SLC17A9: variants seen among roughly 807,000 people sequenced by gnomAD.
The protein encoded by SLC17A9 is voltage-gated purine nucleotide uniporter SLC17A9.
Under a neutral mutation model 55.0 loss-of-function variants are expected in SLC17A9, and 49 were observed. The ratio of observed to expected loss-of-function variants is 0.89; its 90% CI spans 0.71 to 1.13. SLC17A9 has a LOEUF of 1.13. SLC17A9 is among the 50% of genes most tolerant of loss of function. The pLI is 0.00. For synonymous variants in SLC17A9, 256 were observed against 247.4 expected (o/e 1.03, Z -0.32); for missense variants, 526 against 569.3 (o/e 0.92, Z 0.77).
rs966986567 is a variant in SLC17A9, at chr20:62,967,713, G to T, written c.*213G>T. On this transcript the variant is annotated 3_prime_UTR_variant, in exon 13 of 13. Coordinates refer to ENST00000370351, the MANE Select transcript of SLC17A9 (RefSeq NM_022082.4). ...CCAGACCAGGCTCGCTGCTCTCTGG[G>T]CCTCAGTTTCCCCACCTGCCAGCGG... 1.7e-5 allele frequency: 9 copies of T among 538,688 alleles called. No individual in the cohort carries two copies. Among genetic ancestry groups the T allele is most frequent in the African/African-American group, 3.8e-5 (2 of 52,050 alleles). The allele number at this position is 538,688 out of a possible 1,614,324, so 33.4% of individuals were successfully genotyped here.
In SLC17A9 at chr20:62,963,653, C is replaced by T. The variant is rs1397569628; in HGVS notation, c.795C>T (p.Phe265=). 2 of 1,601,832 alleles carry T rather than the reference C, an allele frequency of 1.2e-6. No individual in the cohort carries two copies. Among genetic ancestry groups the T allele is most frequent in the African/African-American group, 1.3e-5 (1 of 74,810 alleles). ...FFILLSWLPT[F]FEETFPDAKG... is the part of the protein sequence containing the mutation. ...TCCTCCTCTCCTGGCTGCCCACCTT[C>T]TTCGAGGAGACCTTCCCCGACGCCA... The change falls in exon 7 of 13, where the codon TTC becomes TTT. Residue 265 remains phenylalanine (F), a synonymous_variant. Transcript: ENST00000370351.
At chr20:62,953,035 T>G (rs1209706631) in intron 1 of SLC17A9, 146 bp downstream of exon 1, 1 of 1,190,900 alleles carries the variant, frequency 8.4e-7, no homozygotes. Context: ...CCTGTGTTCC[T>G]TGTGGGAGGT....
At position 62,960,790 on chromosome 20, in the gene SLC17A9, C is replaced by T. The variant is rs147701965; in HGVS notation, c.497+187C>T. Among the ~76,000 whole-genome samples the T allele has an allele frequency of 7.0e-3, 1,070 of 152,378 alleles. 13 individuals carry two copies. The highest frequency in any genetic ancestry group is 0.025 in the African/African-American group (1,027 of 41,592). ...CTCTGCAGGTACCAGCCCCGGGCAC[C>T]GCGCTTGCTTTGTGCATATTTCTGC... On this transcript the variant is annotated intron_variant, in intron 4 of 12. Coordinates refer to ENST00000370351, the MANE Select transcript of SLC17A9 (RefSeq NM_022082.4).
At chr20:62,953,154 A>G (rs1421306593) in intron 1 of SLC17A9, 18 of 1,529,696 alleles carry the variant, frequency 1.2e-5, no homozygotes, top group East Asian at 2.5e-5. Context: ...AGGCAGGGCT[A>G]TGTTCCCCAG....
intron 3 of SLC17A9, among the ~76,000 whole-genome samples, chr20:62,959,371 G>GT (rs2065569437): frequency 6.6e-6 from 1 of 152,230 alleles, no homozygotes; most frequent in African/African-American, 2.4e-5. Context: ...GGCACATTCT[G>GT]TTTTCTAGAA....
chr20:62,964,553 T>C (rs1168604396), intron 8 of SLC17A9, among the ~76,000 whole-genome samples: 1 of 152,122 alleles, frequency 6.6e-6, no homozygotes, highest in African/African-American at 2.4e-5. Flanking sequence ...CCCCTGACCC[T>C]CCAGGAAGGC....
chr20:62,957,063 A>T, intron 2 of SLC17A9, 101 bp downstream of exon 2: 1 of 1,401,796 alleles, frequency 7.1e-7, no homozygotes. Flanking sequence ...AGAGGATGCG[A>T]CTCCTGGGGA....
At chr20:62,956,180 C>T (rs192157363) in intron 1 of SLC17A9, among the ~76,000 whole-genome samples, 2 of 152,328 alleles carry the variant, frequency 1.3e-5, no homozygotes, top group East Asian at 3.9e-4. Flanking sequence ...TGACCTCGGG[C>T]ATGGTCAGTG....
chr20:62,967,030 G>A, intron 12 of SLC17A9: 1 of 575,718 alleles, frequency 1.7e-6, no homozygotes. Flanking sequence ...ATGGATGATG[G>A]GGGTCCTTCT....
rs1001480965 is a variant in SLC17A9 at position 62,962,303 on chromosome 20, T to C, written c.498-321T>C. 4.1e-5 allele frequency: 9 copies of C among 219,888 alleles called. No homozygotes were observed. Among genetic ancestry groups the C allele is most frequent in the Non-Finnish European group, 8.2e-5 (9 of 110,410 alleles). The allele number at this position is 219,888 out of a possible 1,614,324, so 13.6% of individuals were successfully genotyped here. ...CGTTTTTAGTTGAAAAGGATCCACA[T>C]GACAAATTGTAGGCCAATTGGAAGG... On this transcript the variant is annotated intron_variant, in intron 4 of 12. Coordinates refer to ENST00000370351, the MANE Select transcript of SLC17A9 (RefSeq NM_022082.4). This position sits in a 1 kb window ranked among gnomAD's most constrained non-coding sequence, Gnocchi z 5.5.
Position 62,962,322 on chromosome 20 carries a change from T to G in SLC17A9, c.498-302T>G, listed in dbSNP as rs2065595666. 1 of 244,386 alleles carries G rather than the reference T, an allele frequency of 4.1e-6. No individual in the cohort carries two copies. Among genetic ancestry groups the G allele is most frequent in the East Asian group, 1.1e-4 (1 of 9,388 alleles). The allele number at this position is 244,386 out of a possible 1,614,324, so 15.1% of individuals were successfully genotyped here. A position where few individuals can be genotyped will look rare whatever the true frequency, so the allele number is the denominator to read the frequency against. ...TCCACATGACAAATTGTAGGCCAAT[T>G]GGAAGGCCTAGAAGCAAGATGTGAA... is the stretch of plus-strand genomic sequence containing the variant. On this transcript the variant is annotated intron_variant, in intron 4 of 12. Coordinates refer to ENST00000370351, the MANE Select transcript of SLC17A9 (RefSeq NM_022082.4). The surrounding 1 kb of genome is among the most constrained non-coding windows in gnomAD (Gnocchi z 5.5).
intron 1 of SLC17A9, among the ~76,000 whole-genome samples, chr20:62,953,933 C>T (rs564518280): frequency 5.6e-4 from 85 of 152,362 alleles, no homozygotes; most frequent in African/African-American, 1.8e-3. Context: ...CTCTCTTCCT[C>T]TTCCCCCACC....
At chr20:62,966,644 G>A (rs2065642519) in intron 11 of SLC17A9, 59 bp from the exon 12 acceptor site, 1 of 1,613,852 alleles carries the variant, frequency 6.2e-7, no homozygotes, top group Non-Finnish European at 8.5e-7. Context: ...GAGCCATGGG[G>A]GATCCCGGAG....
In SLC17A9 at chr20:62,960,735, G is replaced by A. The variant is rs112060558; in HGVS notation, c.497+132G>A. ...CCATGGTGAGGTGGGTCCCGCAGGC[G>A]CCTTTTGGGCTCTGTAGCCCGAGGC... On this transcript the variant is annotated intron_variant, in intron 4 of 12. Transcript: ENST00000370351. 3.4e-3 allele frequency: 2,744 copies of A among 799,470 alleles called. 62 individuals carry two copies. The African/African-American group carries it at 0.042, about 12-fold the overall frequency. The allele number at this position is 799,470 out of a possible 1,614,324, so 49.5% of individuals were successfully genotyped here.
chr20:62,963,076 A>G (rs142459085), intron 5 of SLC17A9, 197 bp from the exon 6 acceptor site: 64 of 664,264 alleles, frequency 9.6e-5, no homozygotes, highest in South Asian at 9.3e-4. Context: ...GGTCGTTCAG[A>G]ACGCGGTTCT....
In SLC17A9 at chr20:62,958,308, C is replaced by T. The variant is rs990862178; in HGVS notation, c.397+728C>T. ...TTAGTTCAGTGGTGGATTCCAGCTG[C>T]AAGGGACCTGCTGTGGGACTCTGGG... On this transcript the variant is annotated intron_variant, in intron 3 of 12. Coordinates refer to ENST00000370351, the MANE Select transcript of SLC17A9 (RefSeq NM_022082.4). This position sits in a 1 kb window ranked among gnomAD's most constrained non-coding sequence, Gnocchi z 4.1. Among the ~76,000 whole-genome samples, 1 of 152,136 alleles carries T rather than the reference C, an allele frequency of 6.6e-6. No homozygotes were observed. Among genetic ancestry groups the T allele is most frequent in the Non-Finnish European group, 1.5e-5 (1 of 68,016 alleles).
At chr20:62,956,736 C>T in intron 1 of SLC17A9, 29 bp from the exon 2 acceptor site, 2 of 1,599,620 alleles carry the variant, frequency 1.3e-6, no homozygotes. Flanking sequence ...TGGGGCCTCC[C>T]CAGGGCCTGA....
chr20:62,953,338 G>A, intron 1 of SLC17A9: 1 of 1,512,154 alleles, frequency 6.6e-7, no homozygotes, highest in Non-Finnish European at 9.0e-7. Context: ...CCACGTGCCA[G>A]CTGTGTGCTG....
Position 62,962,825 on chromosome 20 carries a change from G to T in SLC17A9, c.628+71G>T, listed in dbSNP as rs1319956535. On this transcript the variant is annotated intron_variant, in intron 5 of 12. Coordinates refer to ENST00000370351, the MANE Select transcript of SLC17A9 (RefSeq NM_022082.4). The surrounding 1 kb of genome is among the most constrained non-coding windows in gnomAD (Gnocchi z 5.5). ...AGTGCCTCCTCCCCTGGTGGCAGCC[G>T]CTGAGCAGCCTGGAGCAGGAGCCCG... 3.2e-6 allele frequency: 5 copies of T among 1,585,180 alleles called. No homozygotes were observed. In the Admixed American group the frequency reaches 5.2e-5, roughly 16 times the overall value.
Sources: gnomAD v4.1 joint callset for allele counts (sites outside exome capture counted in the v4.1 genomes callset) on GRCh38, gnomAD v4.1.1 for gene constraint, Gnocchi (gnomAD v3.1) non-coding constraint, MANE v1.5 for transcripts, NCBI Gene and HGNC (gene_info 2026-07-23, HGNC 2026-07-21) for gene names.